SEC24B: variants seen among roughly 807,000 people sequenced by gnomAD.
SEC24B encodes SEC24 homolog B, COPII component, also known as protein transport protein Sec24B.
Under a neutral mutation model 142.8 loss-of-function variants are expected in SEC24B, and 45 were observed. The observed-to-expected ratio is 0.32, with a 90% confidence interval of 0.25 to 0.40. SEC24B has a LOEUF of 0.40. Among genes scored for constraint, SEC24B ranks in the 10% least tolerant of loss-of-function variants. SEC24B has a pLI of 1.00. For synonymous variants in SEC24B, 574 were observed against 568.2 expected (o/e 1.01, Z -0.15); for missense variants, 1,409 against 1,526.8 (o/e 0.92, Z 1.29).
chr4:109,508,976 A>G (rs1028386848), intron 7 of SEC24B, among the ~76,000 whole-genome samples: 1 of 152,222 alleles, frequency 6.6e-6, no homozygotes, highest in Non-Finnish European at 1.5e-5. Flanking sequence ...TGAACAGTCA[A>G]ACTAGTAAAT....
chr4:109,512,886 T>C (rs2126051836), intron 9 of SEC24B, among the ~76,000 whole-genome samples: 1 of 151,530 alleles, frequency 6.6e-6, no homozygotes, highest in East Asian at 1.9e-4. Context: ...AATCCTGAAC[T>C]CCTGGGCTCA....
chr4:109,490,575 A>G (rs1386313041), intron 4 of SEC24B, among the ~76,000 whole-genome samples: 2 of 152,098 alleles, frequency 1.3e-5, no homozygotes, highest in African/African-American at 2.4e-5. Context: ...GGATAATTGT[A>G]GGTCTCAAAA....
intron 6 of SEC24B, among the ~76,000 whole-genome samples, chr4:109,498,462 T>A (rs1272067307): frequency 6.6e-6 from 1 of 152,174 alleles, no homozygotes; most frequent in East Asian, 1.9e-4. Context: ...CCTTCCAGAT[T>A]CAAGCGATTC....
chr4:109,493,631 C>CT lies in SEC24B; in HGVS notation c.1247-969dup, dbSNP rs11284823. ...AGCAGGACACTATTCTAGATACTACCTTTTTTTTTTTTTTTGAGACAGAGT... is the reference window on the plus strand; with the variant it reads ...AGCAGGACACTATTCTAGATACTACCTTTTTTTTTTTTTTTTGAGACAGAGT... On this transcript the variant is annotated intron_variant, in intron 5 of 23. Transcript: ENST00000265175. 1.8e-3 allele frequency among the ~76,000 whole-genome samples: 257 copies of CT among 141,312 alleles called. 1 individual carries two copies. The South Asian group carries it at 0.018, about 10-fold the overall frequency. 92.7% of individuals were successfully genotyped at this position (141,312 alleles called of 152,430 possible). A position where few individuals can be genotyped will look rare whatever the true frequency, so the allele number is the denominator to read the frequency against.
At chr4:109,457,588 A>G (rs947991719) in intron 1 of SEC24B, among the ~76,000 whole-genome samples, 1 of 152,234 alleles carries the variant, frequency 6.6e-6, no homozygotes, top group African/African-American at 2.4e-5. Context: ...ACAGCCTCTT[A>G]ATACCGTTAC....
At chr4:109,497,524 A>G (rs1187873937) in intron 6 of SEC24B, among the ~76,000 whole-genome samples, 1 of 151,746 alleles carries the variant, frequency 6.6e-6, no homozygotes, top group East Asian at 1.9e-4. Context: ...ATTTAGAAGT[A>G]GACTATTAGA....
At chr4:109,482,968 A>G (rs1733900060) in intron 4 of SEC24B, among the ~76,000 whole-genome samples, 1 of 80,278 alleles carries the variant, frequency 1.2e-5, no homozygotes, top group East Asian at 3.3e-4. Flanking sequence ...ATATATATAT[A>G]TATATATATA....
At chr4:109,513,093 G>A (rs565384796) in intron 9 of SEC24B, among the ~76,000 whole-genome samples, 20 of 149,026 alleles carry the variant, frequency 1.3e-4, no homozygotes, top group Non-Finnish European at 2.5e-4. Flanking sequence ...TTCTGCCTCA[G>A]CCTCCCGAGT....
At chr4:109,534,794 C>T (rs1228172137) in intron 22 of SEC24B, among the ~76,000 whole-genome samples, 1 of 152,138 alleles carries the variant, frequency 6.6e-6, no homozygotes, top group Non-Finnish European at 1.5e-5. Context: ...CTTACCTCAG[C>T]CTCCTGAGTA....
intron 1 of SEC24B, among the ~76,000 whole-genome samples, chr4:109,441,324 A>G (rs1728907952): frequency 6.6e-6 from 1 of 152,196 alleles, no homozygotes; most frequent in Admixed American, 6.5e-5. Flanking sequence ...ATTTGTATAT[A>G]AAAGATGATA....
rs539786982 is a variant in SEC24B, at chr4:109,463,070, T to C, written c.303T>C (p.Asn101=). 1.2e-6 allele frequency: 2 copies of C among 1,614,154 alleles called. No homozygotes were observed. The highest frequency in any genetic ancestry group is 2.2e-5 in the East Asian group (1 of 44,876). The change falls in exon 2 of 24, where the codon AAT becomes AAC. Residue 101 remains asparagine (N), a synonymous_variant. Coordinates refer to ENST00000265175, the MANE Select transcript of SEC24B (RefSeq NM_006323.5). ...YSALYTVPTQ[N]VTPNTVNQQP... ...CTCTCTATACAGTACCAACACAAAATGTGACTCCTAACACAGTGAACCAGC... is the reference window on the plus strand; with the variant it reads ...CTCTCTATACAGTACCAACACAAAACGTGACTCCTAACACAGTGAACCAGC...
intron 11 of SEC24B, among the ~76,000 whole-genome samples, chr4:109,519,894 G>A (rs1353377776): frequency 1.3e-5 from 2 of 152,328 alleles, no homozygotes; most frequent in East Asian, 3.9e-4. Flanking sequence ...ATATGCTTCT[G>A]TGAGATGAGG....
rs543134910 is a variant in SEC24B, at chr4:109,439,327, A to G, written c.133+5325A>G. ...ATATAAATCTCCCTAGTGTATCTCAAATAAGTTCCTTTTGATCAGAGCCAC... is the reference window on the plus strand; with the variant it reads ...ATATAAATCTCCCTAGTGTATCTCAGATAAGTTCCTTTTGATCAGAGCCAC... On this transcript the variant is annotated intron_variant, in intron 1 of 23. Coordinates refer to ENST00000265175, the MANE Select transcript of SEC24B (RefSeq NM_006323.5). Among the ~76,000 whole-genome samples, 9 of 152,202 alleles carry G rather than the reference A, an allele frequency of 5.9e-5. No individual in the cohort carries two copies. In the South Asian group the frequency reaches 1.9e-3, roughly 32 times the overall value.
intron 18 of SEC24B, 114 bp downstream of exon 18, chr4:109,527,546 A>G (rs6827006): frequency 0.2 from 145,016 of 708,596 alleles, 23,232 homozygotes; most frequent in African/African-American, 0.7. Context: ...GCTGAGGCGG[A>G]CGGACCACGA....
intron 9 of SEC24B, among the ~76,000 whole-genome samples, chr4:109,512,995 G>C (rs941611523): frequency 8.0e-5 from 11 of 138,304 alleles, no homozygotes; most frequent in African/African-American, 2.9e-4. Context: ...TTTTTTTGGA[G>C]ATGGAGTCTC....
intron 17 of SEC24B, 141 bp from the exon 18 acceptor site, chr4:109,527,181 T>C: frequency 5.2e-6 from 3 of 581,888 alleles, no homozygotes; most frequent in Non-Finnish European, 8.9e-6. Flanking sequence ...ATCACACCAT[T>C]GCACTCCAGC....
Position 109,533,585 on chromosome 4 carries a change from C to G in SEC24B, c.3496-8C>G. On this transcript the variant is annotated splice_region_variant and splice_polypyrimidine_tract_variant and intron_variant, in intron 21 of 23. Coordinates refer to ENST00000265175, the MANE Select transcript of SEC24B (RefSeq NM_006323.5). ...GAGTTTTAATATTTTGTTGCTTTTT[C>G]TTTTTAGGTTTTTTACATTTGGGTT... is the stretch of plus-strand genomic sequence containing the variant. 2 of 1,591,102 alleles carry G rather than the reference C, an allele frequency of 1.3e-6. No homozygotes were observed. The highest frequency in any genetic ancestry group is 1.7e-6 in the Non-Finnish European group (2 of 1,161,766).
intron 1 of SEC24B, among the ~76,000 whole-genome samples, chr4:109,450,420 G>A (rs1236823881): frequency 6.6e-6 from 1 of 152,030 alleles, no homozygotes; most frequent in African/African-American, 2.4e-5. Context: ...AATACTTTGG[G>A]AGGCAGAGGC....
intron 22 of SEC24B, among the ~76,000 whole-genome samples, chr4:109,535,607 G>C (rs1364907717): frequency 2.0e-5 from 3 of 151,482 alleles, no homozygotes; most frequent in Non-Finnish European, 4.4e-5. Flanking sequence ...CCAGCACTTT[G>C]GGAGGCCGAG....
Sources: allele counts gnomAD v4.1 joint callset (sites outside exome capture counted in the v4.1 genomes callset), GRCh38; gene constraint gnomAD v4.1.1; transcripts MANE v1.5; gene names NCBI Gene and HGNC (gene_info 2026-07-23, HGNC 2026-07-21).